The following NT5C3A variants were observed in gnomAD, a reference collection of about 807,000 sequenced individuals.
NT5C3A encodes cytosolic 5'-nucleotidase 3A.
In NT5C3A, 23 loss-of-function variants were observed where a neutral mutation model predicts 40.0. That is an observed-to-expected ratio of 0.58 (90% CI 0.41 to 0.81). The LOEUF (loss-of-function observed/expected upper bound fraction) is 0.81. NT5C3A is among the 40% of genes least tolerant of loss of function. The probability of loss-of-function intolerance (pLI) is 0.00; values close to 1 mark genes in which losing one functional copy is unlikely to be tolerated. For synonymous variants in NT5C3A, 130 were observed against 141.4 expected (o/e 0.92, Z 0.57); for missense variants, 328 against 403.0 (o/e 0.81, Z 1.59).
intron 1 of NT5C3A, among the ~76,000 whole-genome samples, chr7:33,046,369 T>G (rs1787153357): frequency 6.6e-6 from 1 of 152,028 alleles, no homozygotes; most frequent in Non-Finnish European, 1.5e-5. Context: ...AGGCCCTGTA[T>G]CCACAAAAAA....
chr7:33,058,513 C>G (rs906546317), intron 1 of NT5C3A, among the ~76,000 whole-genome samples: 1 of 152,052 alleles, frequency 6.6e-6, no homozygotes, highest in Non-Finnish European at 1.5e-5. Context: ...CGCCCAACTA[C>G]TTTGTTTTTT....
intron 8 of NT5C3A, among the ~76,000 whole-genome samples, chr7:33,015,200 C>G (rs4286846): frequency 0.29 from 44,189 of 151,952 alleles, 6,731 homozygotes; most frequent in Admixed American, 0.41. Flanking sequence ...CTCCCTTTTC[C>G]CAGTACCTAT....
rs72555722 is a variant in NT5C3A at position 33,041,745 on chromosome 7, T to C, written c.139-14830A>G. ...TCCAACTGTCATGAAGAAAAAAAAA[T>C]TTTTTTTTTTAAAAGAGAACTAGTC... is the stretch of plus-strand genomic sequence containing the variant. On this transcript the variant is annotated intron_variant, in intron 1 of 8. Transcript: ENST00000610140. Among the ~76,000 whole-genome samples the C allele has an allele frequency of 2.0e-3, 307 of 149,806 alleles. 1 individual carries two copies. Among genetic ancestry groups the C allele is most frequent in the African/African-American group, 7.3e-3 (298 of 40,892 alleles).
At chr7:33,027,693 C>T (rs1397751160) in intron 1 of NT5C3A, among the ~76,000 whole-genome samples, 1 of 152,022 alleles carries the variant, frequency 6.6e-6, no homozygotes, top group Non-Finnish European at 1.5e-5. Flanking sequence ...CATATTTTAA[C>T]CATGAATACC....
At chr7:33,028,326 A>G (rs1374277595) in intron 1 of NT5C3A, among the ~76,000 whole-genome samples, 2 of 152,216 alleles carry the variant, frequency 1.3e-5, no homozygotes, top group East Asian at 3.9e-4. Context: ...TTGCTCAACA[A>G]TTTAATCTTA....
At chr7:33,057,146 A>G (rs552321435) in intron 1 of NT5C3A, among the ~76,000 whole-genome samples, 100 of 152,134 alleles carry the variant, frequency 6.6e-4, no homozygotes, top group African/African-American at 2.0e-3. Context: ...CTTGAGGAGC[A>G]GGGCTAACTC....
At chr7:33,014,865 GC>G in intron 8 of NT5C3A, 34 bp from the exon 9 acceptor site, 1 of 1,556,082 alleles carries the variant, frequency 6.4e-7, no homozygotes, top group Non-Finnish European at 8.8e-7. Flanking sequence ...AAATTAACAT[GC>G]AGGGCAAAGA....
intron 4 of NT5C3A, chr7:33,021,832 A>C (rs1785644069): frequency 1.9e-6 from 1 of 524,466 alleles, no homozygotes; most frequent in Admixed American, 3.6e-5. Context: ...TTTTAAATAT[A>C]AGTTTTGTTG....
chr7:33,025,016 G>A (rs1480510941), intron 2 of NT5C3A, among the ~76,000 whole-genome samples: 1 of 152,088 alleles, frequency 6.6e-6, no homozygotes, highest in Non-Finnish European at 1.5e-5. Context: ...GCATGTGCCT[G>A]TAATCCCAGC....
intron 1 of NT5C3A, among the ~76,000 whole-genome samples, chr7:33,030,495 T>A (rs1562593231): frequency 6.6e-6 from 1 of 152,124 alleles, no homozygotes; most frequent in African/African-American, 2.4e-5. Context: ...GAAAAATAAA[T>A]AAGAAGCTAA....
intron 1 of NT5C3A, among the ~76,000 whole-genome samples, chr7:33,061,904 C>A (rs967172658): frequency 2.6e-5 from 4 of 152,102 alleles, no homozygotes; most frequent in Non-Finnish European, 5.9e-5. Context: ...TCTTGAGACA[C>A]CCTCTTCAAT....
intron 2 of NT5C3A, 112 bp downstream of exon 2, chr7:33,026,705 G>A (rs1278938288): frequency 5.4e-6 from 4 of 739,160 alleles, no homozygotes; most frequent in Middle Eastern, 3.7e-4. Context: ...TGTTGCCCAG[G>A]CTGGTCTCGA....
At position 33,014,557 on chromosome 7, in the gene NT5C3A, G is replaced by A; in HGVS notation, c.*173C>T. The A allele has an allele frequency of 2.2e-6, 2 of 896,512 alleles. No homozygotes were observed. The highest frequency in any genetic ancestry group is 3.5e-6 in the Non-Finnish European group (2 of 576,830). The allele number at this position is 896,512 out of a possible 1,614,324, so 55.5% of individuals were successfully genotyped here. On this transcript the variant is annotated 3_prime_UTR_variant, in exon 9 of 9. Coordinates refer to ENST00000610140, the MANE Select transcript of NT5C3A (RefSeq NM_001002010.5). ...TACGGTGAGGAGTGTGTTGAGAGAG[G>A]TGGAGAAAAGGAGCTTCCAGTCAAT... is the stretch of plus-strand genomic sequence containing the variant.
intron 3 of NT5C3A, among the ~76,000 whole-genome samples, chr7:33,023,301 C>G (rs1188551013): frequency 1.3e-5 from 2 of 152,094 alleles, no homozygotes; most frequent in African/African-American, 4.8e-5. Flanking sequence ...CTCTGTTGCC[C>G]AGGCTGGAGC....
chr7:33,033,362 T>A (rs972862238), intron 1 of NT5C3A, among the ~76,000 whole-genome samples: 1 of 152,230 alleles, frequency 6.6e-6, no homozygotes, highest in East Asian at 1.9e-4. Context: ...CACTACTAAA[T>A]TTTAGTAATA....
rs191117150 is a variant in NT5C3A at position 33,057,573 on chromosome 7, T to C, written c.138+4995A>G. On this transcript the variant is annotated intron_variant, in intron 1 of 8. Coordinates refer to ENST00000610140, the MANE Select transcript of NT5C3A (RefSeq NM_001002010.5). ...GTTTATGTCCTAGAAAGAAACACAGTATGCTAAAGTTTTAAAAAAACCACA... is the reference window on the plus strand; with the variant it reads ...GTTTATGTCCTAGAAAGAAACACAGCATGCTAAAGTTTTAAAAAAACCACA... Among the ~76,000 whole-genome samples the C allele has an allele frequency of 2.4e-3, 371 of 152,162 alleles. 1 individual carries two copies. Among genetic ancestry groups the C allele is most frequent in the Non-Finnish European group, 4.4e-3 (301 of 68,018 alleles).
At chr7:33,019,453 G>C (rs1044235882) in intron 6 of NT5C3A, among the ~76,000 whole-genome samples, 182 bp downstream of exon 6, 1 of 152,048 alleles carries the variant, frequency 6.6e-6, no homozygotes, top group African/African-American at 2.4e-5. Context: ...CCTACACCAA[G>C]ATCTAATACG....
chr7:33,058,580 A>G (rs1159407002), intron 1 of NT5C3A, among the ~76,000 whole-genome samples: 1 of 152,060 alleles, frequency 6.6e-6, no homozygotes, highest in Non-Finnish European at 1.5e-5. Context: ...TGAACTCCTG[A>G]CCTCAGATGA....
intron 1 of NT5C3A, among the ~76,000 whole-genome samples, chr7:33,059,540 CA>C (rs937301418): frequency 4.6e-5 from 7 of 152,204 alleles, no homozygotes; most frequent in African/African-American, 1.7e-4. Context: ...CTAATGATCA[CA>C]AATAATAAGC....
Sources: allele counts gnomAD v4.1 joint callset (sites outside exome capture counted in the v4.1 genomes callset), GRCh38; gene constraint gnomAD v4.1.1; transcripts MANE v1.5; gene names NCBI Gene and HGNC (gene_info 2026-07-23, HGNC 2026-07-21).